The following ZNF407 variants were observed in gnomAD, a reference collection of about 807,000 sequenced individuals.
ZNF407 encodes the protein zinc finger protein 407.
In ZNF407, 17 loss-of-function variants were observed where a neutral mutation model predicts 131.2. The ratio of observed to expected loss-of-function variants is 0.13; its 90% CI spans 0.09 to 0.19. The LOEUF (loss-of-function observed/expected upper bound fraction) is 0.19. Among genes scored for constraint, ZNF407 ranks in the 10% least tolerant of loss-of-function variants. ZNF407 has a pLI of 1.00. For synonymous variants in ZNF407, 1,156 were observed against 1,062.0 expected (o/e 1.09, Z -1.72); for missense variants, 2,681 against 2,830.6 (o/e 0.95, Z 1.20).
At chr18:74,854,015 A>C (rs1970824709) in intron 4 of ZNF407, among the ~76,000 whole-genome samples, 1 of 152,186 alleles carries the variant, frequency 6.6e-6, no homozygotes, top group African/African-American at 2.4e-5. Context: ...CAGACCTCTT[A>C]ACATTACCTG....
chr18:74,764,028 T>A (rs1035613217), intron 3 of ZNF407, among the ~76,000 whole-genome samples: 1 of 152,026 alleles, frequency 6.6e-6, no homozygotes, highest in Non-Finnish European at 1.5e-5. Context: ...TGATCTTTTG[T>A]ATATAACATG....
chr18:75,031,706 G>A (rs1973242405), intron 8 of ZNF407, among the ~76,000 whole-genome samples: 2 of 152,190 alleles, frequency 1.3e-5, no homozygotes, highest in Admixed American at 1.3e-4. Flanking sequence ...ATTAGCCAGT[G>A]ATTTTCAAGT....
intron 1 of ZNF407, among the ~76,000 whole-genome samples, chr18:74,606,660 A>G (rs1425235560): frequency 1.3e-5 from 2 of 152,194 alleles, no homozygotes; most frequent in Admixed American, 1.3e-4. Flanking sequence ...GGTGGAGTTT[A>G]TTATGTCGGC....
chr18:74,626,199 A>G, intron 1 of ZNF407, among the ~76,000 whole-genome samples: 1 of 152,222 alleles, frequency 6.6e-6, no homozygotes, highest in Non-Finnish European at 1.5e-5. Context: ...ACTAAAATTT[A>G]AAAGACTGAT....
At chr18:74,881,343 C>G (rs929558461) in intron 6 of ZNF407, among the ~76,000 whole-genome samples, 1 of 152,166 alleles carries the variant, frequency 6.6e-6, no homozygotes, top group African/African-American at 2.4e-5. Context: ...CAGGTACCCT[C>G]AGTAAATTCA....
At chr18:74,874,095 G>A (rs753797765) in intron 4 of ZNF407, among the ~76,000 whole-genome samples, 4 of 152,116 alleles carry the variant, frequency 2.6e-5, no homozygotes, top group Admixed American at 6.5e-5. Context: ...TTTTGAACTT[G>A]TAGTAAGCAT....
chr18:74,711,834 C>T (rs1261710923), intron 3 of ZNF407, among the ~76,000 whole-genome samples: 1 of 152,154 alleles, frequency 6.6e-6, no homozygotes, highest in Non-Finnish European at 1.5e-5. Flanking sequence ...CCTCAGCCTC[C>T]TGGGTAGCTG....
chr18:74,815,823 C>T (rs1970259859), intron 4 of ZNF407, among the ~76,000 whole-genome samples: 1 of 152,144 alleles, frequency 6.6e-6, no homozygotes, highest in South Asian at 2.1e-4. Flanking sequence ...ATTGTAGGTC[C>T]TTTCTACTTA....
intron 7 of ZNF407, chr18:74,905,660 A>G (rs1278544112): frequency 6.6e-6 from 1 of 152,266 alleles, no homozygotes; most frequent in Non-Finnish European, 1.5e-5. Flanking sequence ...TAACTGAGAA[A>G]TGGAGAGAAA....
intron 3 of ZNF407, among the ~76,000 whole-genome samples, chr18:74,775,217 A>G (rs1467349473): frequency 6.6e-6 from 1 of 152,132 alleles, no homozygotes; most frequent in East Asian, 1.9e-4. Context: ...TTGGATTATT[A>G]TTAGTTTTTC....
At chr18:74,786,410 C>T (rs1382436386) in intron 4 of ZNF407, among the ~76,000 whole-genome samples, 1 of 152,066 alleles carries the variant, frequency 6.6e-6, no homozygotes, top group Non-Finnish European at 1.5e-5. Context: ...CCTTTACCCA[C>T]TACTTATTAG....
chr18:74,735,157 A>G lies in ZNF407; in HGVS notation c.4803-46271A>G, dbSNP rs77643397. On this transcript the variant is annotated intron_variant, in intron 3 of 8. Transcript: ENST00000299687. ...AAAATACTGTATAGTTGTTTTAATC[A>G]TCTGGTTTTCTTGTGATGCACCAGT... Among the ~76,000 whole-genome samples the G allele has an allele frequency of 7.0e-3, 1,071 of 152,308 alleles. 10 individuals are homozygous for G. The highest frequency in any genetic ancestry group is 0.024 in the African/African-American group (1,007 of 41,560).
intron 8 of ZNF407, among the ~76,000 whole-genome samples, chr18:74,987,187 G>T (rs1972662834): frequency 6.6e-6 from 1 of 151,800 alleles, no homozygotes; most frequent in South Asian, 2.1e-4. Flanking sequence ...AGTTCATGCT[G>T]CTTAGAGGCG....
chr18:74,855,971 A>G (rs1296726607), intron 4 of ZNF407, among the ~76,000 whole-genome samples: 3 of 152,250 alleles, frequency 2.0e-5, no homozygotes. Context: ...GGCTGTGACA[A>G]CAGCCCTAAC....
At chr18:74,814,582 CCT>C (rs953858445) in intron 4 of ZNF407, among the ~76,000 whole-genome samples, 1 of 152,042 alleles carries the variant, frequency 6.6e-6, no homozygotes, top group African/African-American at 2.4e-5. Flanking sequence ...ATGATTTTAT[CCT>C]CTGTCAATTT....
At chr18:75,049,863 A>G (rs1973479534) in intron 8 of ZNF407, among the ~76,000 whole-genome samples, 1 of 152,190 alleles carries the variant, frequency 6.6e-6, no homozygotes, top group Non-Finnish European at 1.5e-5. Flanking sequence ...CACCCTAAGT[A>G]TAGTCTGAGC....
At position 75,063,993 on chromosome 18, in the gene ZNF407, C is replaced by T. The variant is rs748999027; in HGVS notation, c.6272C>T (p.Thr2091Met). 1.1e-5 allele frequency: 17 copies of T among 1,610,770 alleles called. No individual in the cohort carries two copies. Among genetic ancestry groups the T allele is most frequent in the Non-Finnish European group, 1.2e-5 (14 of 1,178,808 alleles). Residue 2091 changes from threonine to methionine, a missense_variant, in exon 9 of 9, where the codon ACG (threonine) becomes ATG (methionine). By Grantham distance (81) the Thr-to-Met change is moderately conservative. Transcript: ENST00000299687. The surrounding 1 kb of genome is among the most constrained non-coding windows in gnomAD (Gnocchi z 6.6). The stretch of plus-strand genomic sequence containing the variant: ...GTCCTCCAGTTTGCTGTGTGTGACA[C>T]GGCCGCGGCCGGCCAGTTGGTCAAG... ...QGVLQFAVCD[T>M]AAAGQLVKDG...
chr18:74,890,097 C>T (rs560308260), intron 7 of ZNF407, 59 bp downstream of exon 7: 804 of 1,387,428 alleles, frequency 5.8e-4, no homozygotes, highest in Non-Finnish European at 7.1e-4. Flanking sequence ...ATTAAAAGCC[C>T]GTTAAATCCC....
At chr18:75,031,327 C>A (rs1452405069) in intron 8 of ZNF407, among the ~76,000 whole-genome samples, 1 of 152,160 alleles carries the variant, frequency 6.6e-6, no homozygotes, top group Non-Finnish European at 1.5e-5. Flanking sequence ...ATTTTCTATT[C>A]TTTTGTTTAA....
Sources: gnomAD v4.1 joint callset for allele counts (sites outside exome capture counted in the v4.1 genomes callset) on GRCh38, gnomAD v4.1.1 for gene constraint, Gnocchi (gnomAD v3.1) non-coding constraint, MANE v1.5 for transcripts, NCBI Gene and HGNC (gene_info 2026-07-23, HGNC 2026-07-21) for gene names.